Variants in SPAG16 observed in about 807,000 individuals in gnomAD.
The protein encoded by SPAG16 is sperm-associated antigen 16 protein.
Under a neutral mutation model 80.4 loss-of-function variants are expected in SPAG16, and 86 were observed. The ratio of observed to expected loss-of-function variants is 1.07; its 90% CI spans 0.90 to 1.28. SPAG16 has a LOEUF of 1.28. Ranked by LOEUF, SPAG16 falls within the 50% of genes most tolerant of loss-of-function variation. SPAG16 has a pLI of 0.00. For missense variants in SPAG16, 870 were observed against 765.3 expected, an observed-to-expected ratio of 1.14 and a Z score of -1.61; for synonymous variants, 294 against 265.9, an observed-to-expected ratio of 1.11 and a Z score of -1.03.
intron 15 of SPAG16, among the ~76,000 whole-genome samples, chr2:214,359,376 A>G (rs888467236): frequency 1.3e-5 from 2 of 151,920 alleles, no homozygotes; most frequent in South Asian, 2.1e-4. Context: ...TCCTAAAATC[A>G]TATTGGGCAT....
At chr2:213,756,300 G>A (rs765491756) in intron 10 of SPAG16, among the ~76,000 whole-genome samples, 17 of 152,066 alleles carry the variant, frequency 1.1e-4, no homozygotes, top group Non-Finnish European at 2.2e-4. Context: ...GGCCAACGTG[G>A]TAAAACCCCG....
At chr2:214,371,684 A>T (rs951707728) in intron 15 of SPAG16, among the ~76,000 whole-genome samples, 2 of 36,762 alleles carry the variant, frequency 5.4e-5, no homozygotes, top group Admixed American at 2.6e-4. Context: ...TATAGATAAT[A>T]ATTTTTTTTT....
intron 15 of SPAG16, among the ~76,000 whole-genome samples, chr2:214,155,886 A>G (rs140220328): frequency 1.1e-4 from 16 of 152,094 alleles, no homozygotes; most frequent in Admixed American, 2.0e-4. Context: ...CAAAGCATTA[A>G]CAGGCCCACT....
At chr2:214,117,675 T>TC (rs2054007822) in intron 14 of SPAG16, among the ~76,000 whole-genome samples, 1 of 152,186 alleles carries the variant, frequency 6.6e-6, no homozygotes, top group African/African-American at 2.4e-5. Flanking sequence ...ATGAGATTTA[T>TC]CCCAGGGATG....
At chr2:214,092,713 T>C (rs1351186580) in intron 13 of SPAG16, among the ~76,000 whole-genome samples, 1 of 152,078 alleles carries the variant, frequency 6.6e-6, no homozygotes, top group Non-Finnish European at 1.5e-5. Flanking sequence ...CCCAACCTTC[T>C]AAACTCAGCT....
chr2:213,496,592 T>C (rs2074497643), intron 10 of SPAG16, among the ~76,000 whole-genome samples: 1 of 152,052 alleles, frequency 6.6e-6, no homozygotes, highest in African/African-American at 2.4e-5. Context: ...TGTGAAAATA[T>C]GGGCATTATA....
intron 10 of SPAG16, among the ~76,000 whole-genome samples, chr2:213,577,483 C>T (rs1272249615): frequency 6.6e-6 from 1 of 152,100 alleles, no homozygotes; most frequent in African/African-American, 2.4e-5. Flanking sequence ...CTCTTCCCTC[C>T]GTTTCCTGAT....
At chr2:213,527,564 C>G (rs576648335) in intron 10 of SPAG16, among the ~76,000 whole-genome samples, 1 of 152,240 alleles carries the variant, frequency 6.6e-6, no homozygotes, top group African/African-American at 2.4e-5. Flanking sequence ...TAATGTTCCT[C>G]TCCCTGAAAT....
intron 10 of SPAG16, among the ~76,000 whole-genome samples, chr2:213,542,799 TTTC>T (rs1462870168): frequency 6.6e-6 from 1 of 152,130 alleles, no homozygotes; most frequent in Non-Finnish European, 1.5e-5. Context: ...TGCTATATAT[TTTC>T]TTGTTTTACT....
chr2:214,317,198 GT>G (rs1695756213), intron 15 of SPAG16, among the ~76,000 whole-genome samples: 1 of 152,144 alleles, frequency 6.6e-6, no homozygotes, highest in South Asian at 2.1e-4. Flanking sequence ...ATCCAAGAGT[GT>G]TCAATTTTCT....
intron 5 of SPAG16, among the ~76,000 whole-genome samples, chr2:213,319,441 A>G (rs781531443): frequency 6.6e-6 from 1 of 151,884 alleles, no homozygotes; most frequent in African/African-American, 2.4e-5. Context: ...TACCATTTAG[A>G]ATTTTATATT....
intron 13 of SPAG16, among the ~76,000 whole-genome samples, chr2:214,107,585 T>C (rs2053446894): frequency 6.6e-6 from 1 of 152,176 alleles, no homozygotes; most frequent in Non-Finnish European, 1.5e-5. Flanking sequence ...GCTGGGATGT[T>C]TTTGTAGTTA....
At chr2:213,757,158 T>C (rs1454433312) in intron 10 of SPAG16, among the ~76,000 whole-genome samples, 1 of 152,132 alleles carries the variant, frequency 6.6e-6, no homozygotes, top group Non-Finnish European at 1.5e-5. Context: ...AATATAAACT[T>C]AACAGGAGAC....
intron 8 of SPAG16, chr2:213,365,376 G>A (rs2066223228): frequency 1.3e-5 from 2 of 152,120 alleles, no homozygotes; most frequent in Admixed American, 1.3e-4. Context: ...GAACAGATGG[G>A]GAATTTAAGC....
At chr2:214,246,805 A>G (rs1689881381) in intron 15 of SPAG16, among the ~76,000 whole-genome samples, 1 of 152,176 alleles carries the variant, frequency 6.6e-6, no homozygotes. Context: ...TTTTTAATGC[A>G]GTATACAGTA....
At chr2:213,983,136 T>C (rs1326556264) in intron 12 of SPAG16, among the ~76,000 whole-genome samples, 1 of 151,934 alleles carries the variant, frequency 6.6e-6, no homozygotes, top group Non-Finnish European at 1.5e-5. Flanking sequence ...AATAAAGGGA[T>C]AAGATTATAA....
At chr2:214,001,263 T>G (rs1401238389) in intron 12 of SPAG16, among the ~76,000 whole-genome samples, 5 of 152,240 alleles carry the variant, frequency 3.3e-5, no homozygotes, top group African/African-American at 1.2e-4. Flanking sequence ...TAAAGTTTTT[T>G]GAAGGAAATA....
In SPAG16 at chr2:213,670,098, C is replaced by T. The variant is rs548065526; in HGVS notation, c.1070+180008C>T. Among the ~76,000 whole-genome samples the T allele has an allele frequency of 3.3e-5, 5 of 151,956 alleles. No homozygotes were observed. The East Asian group carries it at 7.7e-4, about 24-fold the overall frequency. On this transcript the variant is annotated intron_variant, in intron 10 of 15. Transcript: ENST00000331683. Reference sequence around the variant, plus strand: ...CTGCAAACTCTGCCTCCGGGGTTCACGCCCTTCTGCCTCAGCCTCCCAAGT... The same window carrying T: ...CTGCAAACTCTGCCTCCGGGGTTCATGCCCTTCTGCCTCAGCCTCCCAAGT...
At chr2:213,677,054 T>C (rs1232581284) in intron 10 of SPAG16, among the ~76,000 whole-genome samples, 1 of 152,156 alleles carries the variant, frequency 6.6e-6, no homozygotes, top group Non-Finnish European at 1.5e-5. Flanking sequence ...ATTGCCACAT[T>C]TCAGCTCCTG....
Sources: allele counts gnomAD v4.1 joint callset (sites outside exome capture counted in the v4.1 genomes callset), GRCh38; gene constraint gnomAD v4.1.1; transcripts MANE v1.5; gene names NCBI Gene and HGNC (gene_info 2026-07-23, HGNC 2026-07-21).